Variants in PET100 observed in about 807,000 individuals in gnomAD.
The protein encoded by PET100 is protein PET100 homolog, mitochondrial.
In PET100, 13 loss-of-function variants were observed where a neutral mutation model predicts 13.6. The observed-to-expected ratio is 0.96, with a 90% CI of 0.62 to 1.52. PET100 has a LOEUF of 1.52. PET100 is among the 40% of genes most tolerant of loss of function. The pLI, the probability that PET100 is intolerant of heterozygous loss-of-function variation, is 0.00. For synonymous variants in PET100, 28 were observed against 30.8 expected (o/e 0.91, Z 0.30); for missense variants, 94 against 95.3 (o/e 0.99, Z 0.06).
In PET100 at chr19:7,631,702, G is replaced by A. The variant is rs1302934648; in HGVS notation, c.*146G>A. 6.9e-7 allele frequency: 1 copy of A among 1,453,518 alleles called. No individual in the cohort carries two copies. Among genetic ancestry groups the A allele is most frequent in the East Asian group, 2.6e-5 (1 of 38,738 alleles). The allele number at this position is 1,453,518 out of a possible 1,614,324, so 90.0% of individuals were successfully genotyped here. A position where few individuals can be genotyped will look rare whatever the true frequency, so the allele number is the denominator to read the frequency against. Reference sequence around the variant, plus strand: ...TGCCTCAGGCCCTCAGGGGGCTTGTGTCGGGGGCTGGGGGCTGCTGTTCCG... The same window carrying A: ...TGCCTCAGGCCCTCAGGGGGCTTGTATCGGGGGCTGGGGGCTGCTGTTCCG... On this transcript the variant is annotated 3_prime_UTR_variant, in exon 4 of 4. Coordinates refer to ENST00000594797, the MANE Select transcript of PET100 (RefSeq NM_001171155.2).
chr19:7,631,900 C>G lies in PET100; in HGVS notation c.*344C>G, dbSNP rs1056332821. On this transcript the variant is annotated 3_prime_UTR_variant, in exon 4 of 4. Transcript: ENST00000594797. ...ATGGAGAGAGGGTGCAGGTAGCCAC[C>G]GTGTCCCACCTCATTGTGAGCACTG... 3 of 1,218,214 alleles carry G rather than the reference C, an allele frequency of 2.5e-6. No individual in the cohort carries two copies. The highest frequency in any genetic ancestry group is 3.2e-6 in the Non-Finnish European group (3 of 928,420). 75.5% of individuals were successfully genotyped at this position (1,218,214 alleles called of 1,614,324 possible).
At chr19:7,631,240 A>T in intron 3 of PET100, 1 of 1,409,794 alleles carries the variant, frequency 7.1e-7, no homozygotes, top group Non-Finnish European at 9.2e-7. Flanking sequence ...AGCCATGAGT[A>T]AGGAACCGAG....
Position 7,631,063 on chromosome 19 carries a change from C to T in PET100, c.138+217C>T, listed in dbSNP as rs556229450. 35 of 752,856 alleles carry T rather than the reference C, an allele frequency of 4.6e-5. No homozygotes were observed. In the South Asian group the frequency reaches 6.2e-4, roughly 13 times the overall value. The allele number at this position is 752,856 out of a possible 1,614,324, so 46.6% of individuals were successfully genotyped here. A position where few individuals can be genotyped will look rare whatever the true frequency, so the allele number is the denominator to read the frequency against. ...ATGTCTACAGAAATACAAAACTTAG[C>T]CAGGCATGGTGGCAGGCGCCTATAA... is the stretch of plus-strand genomic sequence containing the variant. On this transcript the variant is annotated intron_variant, in intron 3 of 3. Coordinates refer to ENST00000594797, the MANE Select transcript of PET100 (RefSeq NM_001171155.2).
intron 3 of PET100, chr19:7,631,200 C>T: frequency 2.2e-6 from 3 of 1,349,194 alleles, no homozygotes; most frequent in Non-Finnish European, 2.9e-6. Context: ...TAGAGTGAGA[C>T]TTTGTCTCAA....
chr19:7,630,956 T>C, intron 3 of PET100, 110 bp downstream of exon 3: 1 of 1,368,766 alleles, frequency 7.3e-7, no homozygotes, highest in Middle Eastern at 1.8e-4. Flanking sequence ...ATGCTTGTAA[T>C]CCCAGGGCAT....
At chr19:7,631,217 A>G in intron 3 of PET100, 2 of 1,385,708 alleles carry the variant, frequency 1.4e-6, no homozygotes, top group Non-Finnish European at 1.9e-6. Flanking sequence ...TCAAAAAGAA[A>G]CATTTTACTC....
At chr19:7,629,948 G>A (rs1183960321) in intron 1 of PET100, 88 bp downstream of exon 1, 4 of 1,383,888 alleles carry the variant, frequency 2.9e-6, no homozygotes, top group Non-Finnish European at 3.8e-6. Flanking sequence ...GACTTCAAAG[G>A]AAGAGGGAGC....
chr19:7,631,193 A>C, intron 3 of PET100: 1 of 1,299,694 alleles, frequency 7.7e-7, no homozygotes, highest in Non-Finnish European at 1.0e-6. Context: ...TGGGCAATAG[A>C]GTGAGACTTT....
At position 7,630,559 on chromosome 19, in the gene PET100, C is replaced by T; in HGVS notation, c.28-14C>T. On this transcript the variant is annotated splice_polypyrimidine_tract_variant and intron_variant, in intron 1 of 3. Transcript: ENST00000594797. ...TTGGGGGGAGCTCACCTCACCCACC[C>T]TCTGCCATTCCAGATGATAATCTAC... is the stretch of plus-strand genomic sequence containing the variant. 1 of 1,532,696 alleles carries T rather than the reference C, an allele frequency of 6.5e-7. No homozygotes were observed. Among genetic ancestry groups the T allele is most frequent in the Non-Finnish European group, 8.8e-7 (1 of 1,142,776 alleles). The allele number at this position is 1,532,696 out of a possible 1,614,324, so 94.9% of individuals were successfully genotyped here. A position where few individuals can be genotyped will look rare whatever the true frequency, so the allele number is the denominator to read the frequency against.
Position 7,631,465 on chromosome 19 carries a change from A to T in PET100, c.139-8A>T. The stretch of plus-strand genomic sequence containing the variant: ...CCCTTCCTGTCCCACCCGCTTCTCC[A>T]CCCCTAGCTTCAAGAGATAGAGGAA... On this transcript the variant is annotated splice_polypyrimidine_tract_variant and splice_region_variant and intron_variant, in intron 3 of 3. Transcript: ENST00000594797. 1.3e-6 allele frequency: 2 copies of T among 1,522,708 alleles called. No individual in the cohort carries two copies. The highest frequency in any genetic ancestry group is 1.8e-6 in the Non-Finnish European group (2 of 1,141,756). The allele number at this position is 1,522,708 out of a possible 1,614,324, so 94.3% of individuals were successfully genotyped here. A position where few individuals can be genotyped will look rare whatever the true frequency, so the allele number is the denominator to read the frequency against.
At chr19:7,631,035 C>T (rs1383728884) in intron 3 of PET100, 189 bp downstream of exon 3, 1 of 791,908 alleles carries the variant, frequency 1.3e-6, no homozygotes, top group Non-Finnish European at 2.0e-6. Context: ...ATGGCGAAAC[C>T]CCATGTCTAC....
In PET100 at chr19:7,631,864, G is replaced by A. The variant is rs1287045751; in HGVS notation, c.*308G>A. 7.3e-7 allele frequency: 1 copy of A among 1,367,858 alleles called. No individual in the cohort carries two copies. Among genetic ancestry groups the A allele is most frequent in the South Asian group, 2.3e-5 (1 of 44,272 alleles). 84.7% of individuals were successfully genotyped at this position (1,367,858 alleles called of 1,614,324 possible). On this transcript the variant is annotated 3_prime_UTR_variant, in exon 4 of 4. Coordinates refer to ENST00000594797, the MANE Select transcript of PET100 (RefSeq NM_001171155.2). ...GGGCTCAAGGGCAGTGCCGGCCACA[G>A]GTGGCGAACAATGGAGAGAGGGTGC...
rs1482902120 is a variant in PET100, at chr19:7,631,884, G to A, written c.*328G>A. On this transcript the variant is annotated 3_prime_UTR_variant, in exon 4 of 4. Coordinates refer to ENST00000594797, the MANE Select transcript of PET100 (RefSeq NM_001171155.2). ...CCACAGGTGGCGAACAATGGAGAGA[G>A]GGTGCAGGTAGCCACCGTGTCCCAC... 3.0e-6 allele frequency: 4 copies of A among 1,336,122 alleles called. No homozygotes were observed. Among genetic ancestry groups the A allele is most frequent in the Admixed American group, 2.8e-5 (1 of 35,240 alleles). The allele number at this position is 1,336,122 out of a possible 1,614,324, so 82.8% of individuals were successfully genotyped here. A position where few individuals can be genotyped will look rare whatever the true frequency, so the allele number is the denominator to read the frequency against.
chr19:7,630,022 C>T (rs569194602), intron 1 of PET100, 162 bp downstream of exon 1: 3 of 829,818 alleles, frequency 3.6e-6, no homozygotes, highest in African/African-American at 3.8e-5. Flanking sequence ...GGAGAGGGGA[C>T]GCTGGGCTGG....
At chr19:7,630,160 C>T (rs1204101694) in intron 1 of PET100, 1 of 469,548 alleles carries the variant, frequency 2.1e-6, no homozygotes, top group Non-Finnish European at 3.8e-6. Flanking sequence ...TGGGGGAGCT[C>T]TCGGGCTCGT....
At chr19:7,630,306 A>G (rs2031248190) in intron 1 of PET100, 2 of 531,700 alleles carry the variant, frequency 3.8e-6, no homozygotes, top group Admixed American at 3.3e-5. Context: ...GATGCTTTTG[A>G]TTGTAGCTGG....
At chr19:7,629,968 A>T in intron 1 of PET100, 108 bp downstream of exon 1, 1 of 1,304,138 alleles carries the variant, frequency 7.7e-7, no homozygotes, top group Non-Finnish European at 1.0e-6. Flanking sequence ...CTCCAAGGAG[A>T]AAGCTCTTAA....
chr19:7,631,370 G>A, intron 3 of PET100, 103 bp from the exon 4 acceptor site: 1 of 1,346,332 alleles, frequency 7.4e-7, no homozygotes, highest in Non-Finnish European at 9.8e-7. Context: ...TGAAGCCGTG[G>A]TCTGGGGCAG....
At chr19:7,630,768 A>T (rs2146193198) in intron 2 of PET100, 55 bp from the exon 3 acceptor site, 1 of 1,536,886 alleles carries the variant, frequency 6.5e-7, no homozygotes, top group Admixed American at 2.0e-5. Flanking sequence ...CCCTGCCCTG[A>T]TGTGGGGCTC....
Sources: allele counts gnomAD v4.1 joint callset, GRCh38; gene constraint gnomAD v4.1.1; transcripts MANE v1.5; gene names NCBI Gene and HGNC (gene_info 2026-07-23, HGNC 2026-07-21).